Variants in PDE4D observed in about 807,000 individuals in gnomAD.
The protein encoded by PDE4D is phosphodiesterase 4D, also known as 3',5'-cyclic-AMP phosphodiesterase 4D.
Under a neutral mutation model 87.4 loss-of-function variants are expected in PDE4D, and 24 were observed. The observed-to-expected ratio is 0.27, with a 90% CI of 0.20 to 0.39. The LOEUF is 0.39. Among genes scored for constraint, PDE4D ranks in the 10% least tolerant of loss-of-function variants. The pLI is 1.00. For missense variants in PDE4D, 714 were observed against 1,041.0 expected, an observed-to-expected ratio of 0.69 and a Z score of 4.32; for synonymous variants, 384 against 383.2, an observed-to-expected ratio of 1.00 and a Z score of -0.02.
At chr5:60,467,851 C>A (rs1465865128) in intron 1 of PDE4D, among the ~76,000 whole-genome samples, 2 of 152,128 alleles carry the variant, frequency 1.3e-5, no homozygotes, top group Non-Finnish European at 2.9e-5. Context: ...TTTTTAAATA[C>A]TCAGATCTCG....
chr5:59,565,781 C>G (rs193055602), intron 1 of PDE4D, among the ~76,000 whole-genome samples: 50 of 152,346 alleles, frequency 3.3e-4, no homozygotes, highest in African/African-American at 1.2e-3. Context: ...CCTATGTTTT[C>G]TTCCTCCTGT....
chr5:59,206,440 C>G (rs1455622260), intron 2 of PDE4D, among the ~76,000 whole-genome samples: 3 of 152,168 alleles, frequency 2.0e-5, no homozygotes, highest in Non-Finnish European at 4.4e-5. Flanking sequence ...AGCAGTGTGA[C>G]TGTTTTTCCT....
chr5:60,295,322 T>C (rs1562296956), intron 1 of PDE4D, among the ~76,000 whole-genome samples: 1 of 152,222 alleles, frequency 6.6e-6, no homozygotes, highest in Non-Finnish European at 1.5e-5. Flanking sequence ...CTTCTTGCTT[T>C]GCAAATTGTA....
chr5:59,295,918 A>G (rs540954379), intron 1 of PDE4D, among the ~76,000 whole-genome samples: 22 of 152,098 alleles, frequency 1.4e-4, no homozygotes, highest in Admixed American at 7.2e-4. Flanking sequence ...CAGGATAATA[A>G]GGACTCATGG....
intron 1 of PDE4D, among the ~76,000 whole-genome samples, chr5:59,527,587 T>C (rs1433242039): frequency 6.6e-6 from 1 of 152,220 alleles, no homozygotes; most frequent in Non-Finnish European, 1.5e-5. Context: ...AAATTTTATA[T>C]ATTATAAGTA....
chr5:59,931,050 C>T (rs1381484945), intron 3 of PDE4D, among the ~76,000 whole-genome samples: 2 of 151,888 alleles, frequency 1.3e-5, no homozygotes, highest in African/African-American at 4.8e-5. Flanking sequence ...ACAAATACTG[C>T]ATTGAAAAAA....
chr5:60,337,074 C>T (rs1456129062), intron 1 of PDE4D, among the ~76,000 whole-genome samples: 1 of 150,566 alleles, frequency 6.6e-6, no homozygotes, highest in South Asian at 2.1e-4. Context: ...AATCTCAGCA[C>T]TTTGGGATGC....
At chr5:59,982,415 T>A (rs1762015266) in intron 3 of PDE4D, among the ~76,000 whole-genome samples, 1 of 152,166 alleles carries the variant, frequency 6.6e-6, no homozygotes, top group South Asian at 2.1e-4. Context: ...TTCATTCCCA[T>A]AACTTCCCAC....
chr5:59,097,488 C>T (rs1270766776), intron 5 of PDE4D, among the ~76,000 whole-genome samples: 1 of 152,142 alleles, frequency 6.6e-6, no homozygotes, highest in Non-Finnish European at 1.5e-5. Context: ...AACACACATC[C>T]AAGCAAATCA....
intron 5 of PDE4D, chr5:59,174,248 T>C (rs1171200533): frequency 6.6e-6 from 1 of 152,250 alleles, no homozygotes; most frequent in Non-Finnish European, 1.5e-5. Flanking sequence ...TTTAATTTTC[T>C]ACGTGCCAAT....
chr5:60,135,359 G>C (rs1375247964), intron 2 of PDE4D, among the ~76,000 whole-genome samples: 2 of 152,180 alleles, frequency 1.3e-5, no homozygotes, highest in African/African-American at 4.8e-5. Flanking sequence ...AGCCAGAATG[G>C]ATAAAGTCAG....
chr5:60,030,176 C>A (rs955360488), intron 2 of PDE4D, among the ~76,000 whole-genome samples: 5 of 152,168 alleles, frequency 3.3e-5, no homozygotes, highest in Non-Finnish European at 5.9e-5. Flanking sequence ...TAAGGCCGGG[C>A]GCGGTGGCTC....
At chr5:59,859,684 T>C (rs1246681993) in intron 1 of PDE4D, among the ~76,000 whole-genome samples, 1 of 152,172 alleles carries the variant, frequency 6.6e-6, no homozygotes. Flanking sequence ...AGGATATGAA[T>C]TTACATTTCC....
At chr5:59,100,824 G>T (rs1770611059) in intron 5 of PDE4D, among the ~76,000 whole-genome samples, 1 of 152,104 alleles carries the variant, frequency 6.6e-6, no homozygotes, top group Non-Finnish European at 1.5e-5. Flanking sequence ...TGGAGACCAG[G>T]GCTGCCCTTT....
At chr5:59,347,635 A>G (rs1223894743) in intron 1 of PDE4D, among the ~76,000 whole-genome samples, 2 of 152,172 alleles carry the variant, frequency 1.3e-5, no homozygotes, top group Non-Finnish European at 2.9e-5. Context: ...TACGTATAAA[A>G]AGTTTTGAGA....
intron 1 of PDE4D, among the ~76,000 whole-genome samples, chr5:59,329,728 G>A (rs1399053128): frequency 6.6e-6 from 1 of 152,142 alleles, no homozygotes; most frequent in Non-Finnish European, 1.5e-5. Flanking sequence ...GGCTGTCCTT[G>A]TCTACTTATT....
intron 2 of PDE4D, among the ~76,000 whole-genome samples, chr5:60,184,069 T>C (rs1329650738): frequency 6.6e-6 from 1 of 152,162 alleles, no homozygotes; most frequent in Non-Finnish European, 1.5e-5. Flanking sequence ...TCCACCAAGA[T>C]AAAATTTTTT....
At chr5:59,901,191 G>A (rs1752222131) in intron 3 of PDE4D, among the ~76,000 whole-genome samples, 1 of 152,154 alleles carries the variant, frequency 6.6e-6, no homozygotes, top group African/African-American at 2.4e-5. Context: ...GTCAAGCTAA[G>A]TCCAAAACTT....
chr5:59,468,677 TTTC>T (rs1282979417), intron 1 of PDE4D, among the ~76,000 whole-genome samples: 1 of 152,128 alleles, frequency 6.6e-6, no homozygotes. Context: ...AAGTTTTGAT[TTTC>T]TTTTATTTTC....
Sources: allele counts gnomAD v4.1 joint callset (sites outside exome capture counted in the v4.1 genomes callset), GRCh38; gene constraint gnomAD v4.1.1; transcripts MANE v1.5; gene names NCBI Gene and HGNC (gene_info 2026-07-23, HGNC 2026-07-21).